The following SIPA1L2 variants were observed in gnomAD, a reference collection of about 807,000 sequenced individuals.
SIPA1L2 encodes signal induced proliferation associated 1 like 2.
Under a neutral mutation model 163.9 loss-of-function variants are expected in SIPA1L2, and 56 were observed. The observed-to-expected ratio is 0.34, with a 90% confidence interval of 0.28 to 0.43. SIPA1L2 has a LOEUF of 0.43. Ranked by LOEUF, SIPA1L2 falls within the 20% of genes least tolerant of loss-of-function variation. SIPA1L2 has a pLI of 1.00. For synonymous variants in SIPA1L2, 877 were observed against 865.7 expected (o/e 1.01, Z -0.23); for missense variants, 1,974 against 2,193.5 (o/e 0.90, Z 2.00).
chr1:232,440,096 C>T (rs1378946974), intron 14 of SIPA1L2, among the ~76,000 whole-genome samples: 2 of 152,240 alleles, frequency 1.3e-5, no homozygotes, highest in East Asian at 1.9e-4. Flanking sequence ...AGTCAAAGTG[C>T]GTCCCAAGCC....
rs1021869671 is a variant in SIPA1L2, at chr1:232,455,189, T to G, written c.3095+5698A>C. 3.3e-5 allele frequency among the ~76,000 whole-genome samples: 5 copies of G among 152,230 alleles called. No homozygotes were observed. The East Asian group carries it at 9.6e-4, about 29-fold the overall frequency. ...AGGTTACCTTTGTTCTGTATTGTTT[T>G]CACATTTCACATCAAAATTCAATAC... On this transcript the variant is annotated intron_variant, in intron 10 of 22. Coordinates refer to ENST00000674635, the MANE Select transcript of SIPA1L2 (RefSeq NM_020808.5).
intron 1 of SIPA1L2, among the ~76,000 whole-genome samples, chr1:232,593,448 G>A (rs1489306066): frequency 6.6e-6 from 1 of 152,046 alleles, no homozygotes; most frequent in Non-Finnish European, 1.5e-5. Flanking sequence ...TAATGGGGGC[G>A]CTTCATTTTA....
chr1:232,400,965 A>G (rs969818686), intron 22 of SIPA1L2, among the ~76,000 whole-genome samples: 17 of 152,198 alleles, frequency 1.1e-4, no homozygotes, highest in African/African-American at 3.4e-4. Flanking sequence ...GACTCCATCA[A>G]TCTTATCAAT....
intron 2 of SIPA1L2, among the ~76,000 whole-genome samples, chr1:232,542,137 A>C (rs1159126808): frequency 6.6e-6 from 1 of 152,240 alleles, no homozygotes; most frequent in East Asian, 1.9e-4. Context: ...CTGGACTGCT[A>C]CCATCTACTT....
intron 18 of SIPA1L2, among the ~76,000 whole-genome samples, chr1:232,418,503 C>A (rs575924786): frequency 6.6e-6 from 1 of 152,212 alleles, no homozygotes; most frequent in African/African-American, 2.4e-5. Flanking sequence ...GCCCACAGTG[C>A]GTGAGTGGGC....
chr1:232,620,162 C>A (rs1165057905), intron 1 of SIPA1L2, among the ~76,000 whole-genome samples: 1 of 152,206 alleles, frequency 6.6e-6, no homozygotes, highest in East Asian at 1.9e-4. Flanking sequence ...GGATTATGGG[C>A]ATGAGCCACC....
intron 2 of SIPA1L2, among the ~76,000 whole-genome samples, chr1:232,558,723 T>G (rs748581017): frequency 6.6e-6 from 1 of 152,200 alleles, no homozygotes; most frequent in Non-Finnish European, 1.5e-5. Context: ...TCCTGGCTGA[T>G]GCATGATCCT....
intron 1 of SIPA1L2, among the ~76,000 whole-genome samples, chr1:232,576,450 T>C (rs774225085): frequency 2.0e-5 from 3 of 152,170 alleles, no homozygotes; most frequent in Admixed American, 6.5e-5. Context: ...TCCATAAATA[T>C]TGTGTTCTGA....
intron 2 of SIPA1L2, among the ~76,000 whole-genome samples, chr1:232,524,639 A>G (rs1667608670): frequency 6.6e-6 from 1 of 152,228 alleles, no homozygotes; most frequent in African/African-American, 2.4e-5. Flanking sequence ...AGGGATAAAC[A>G]TAGTACATAT....
At chr1:232,535,445 T>C (rs748899267) in intron 2 of SIPA1L2, among the ~76,000 whole-genome samples, 4 of 152,174 alleles carry the variant, frequency 2.6e-5, no homozygotes, top group Admixed American at 6.5e-5. Context: ...AATTTTAATG[T>C]TCTTCATTGG....
intron 6 of SIPA1L2, among the ~76,000 whole-genome samples, chr1:232,482,237 T>A (rs1255939458): frequency 6.6e-6 from 1 of 152,184 alleles, no homozygotes; most frequent in Non-Finnish European, 1.5e-5. Context: ...AGGAAAATAC[T>A]TGGATTATCT....
At chr1:232,541,324 C>T (rs1486609828) in intron 2 of SIPA1L2, among the ~76,000 whole-genome samples, 4 of 149,488 alleles carry the variant, frequency 2.7e-5, no homozygotes, top group Non-Finnish European at 6.0e-5. Flanking sequence ...CTGGGCTTGC[C>T]ATTTATTAAT....
Position 232,439,177 on chromosome 1 carries a change from G to A in SIPA1L2, c.3962C>T (p.Ser1321Phe). The A allele has an allele frequency of 6.2e-7, 1 of 1,613,520 alleles. No individual in the cohort carries two copies. The highest frequency in any genetic ancestry group is 8.5e-7 in the Non-Finnish European group (1 of 1,179,932). Residue 1321 changes from serine (S) to phenylalanine (F), a missense_variant, in exon 15 of 23, where the codon TCC (serine) becomes TTC (phenylalanine). Transcript: ENST00000674635. Reference sequence around the variant, plus strand: ...CGCAGCACTGCCGGCGGAGATGGTGGACGCGTAGCCATGCACAGAATATAA... The same window carrying A: ...CGCAGCACTGCCGGCGGAGATGGTGAACGCGTAGCCATGCACAGAATATAA... The part of the protein sequence containing the change: ...AKLYSVHGYA[S>F]TISAGSAAEG...
chr1:232,513,336 C>T (rs986527061), intron 3 of SIPA1L2, among the ~76,000 whole-genome samples: 7 of 152,210 alleles, frequency 4.6e-5, no homozygotes, highest in Admixed American at 6.5e-5. Flanking sequence ...TATAGAACTA[C>T]ATGAAAACAA....
chr1:232,436,057 G>A (rs1049362436), intron 15 of SIPA1L2, among the ~76,000 whole-genome samples: 1 of 152,178 alleles, frequency 6.6e-6, no homozygotes, highest in Non-Finnish European at 1.5e-5. Flanking sequence ...ACCATATACT[G>A]ATTGGGGCTC....
At chr1:232,453,866 T>G (rs1339163300) in intron 10 of SIPA1L2, among the ~76,000 whole-genome samples, 1 of 152,132 alleles carries the variant, frequency 6.6e-6, no homozygotes, top group East Asian at 1.9e-4. Context: ...TAAAACAAAT[T>G]AAATGTTTTT....
At chr1:232,413,866 C>G (rs1263973975) in intron 19 of SIPA1L2, among the ~76,000 whole-genome samples, 1 of 152,090 alleles carries the variant, frequency 6.6e-6, no homozygotes, top group Admixed American at 6.5e-5. Flanking sequence ...AAGATCTGGT[C>G]AGAGTGAGAG....
At chr1:232,604,569 G>A (rs961862355) in intron 1 of SIPA1L2, among the ~76,000 whole-genome samples, 1 of 152,322 alleles carries the variant, frequency 6.6e-6, no homozygotes, top group Admixed American at 6.5e-5. Flanking sequence ...CCAAGGTGGT[G>A]TATCTGTTTG....
intron 1 of SIPA1L2, among the ~76,000 whole-genome samples, chr1:232,586,123 C>T (rs564765959): frequency 2.8e-4 from 43 of 152,274 alleles, no homozygotes; most frequent in African/African-American, 1.0e-3. Flanking sequence ...TCGGTTTCTC[C>T]TTGAGACCCT....
Sources: gnomAD v4.1 joint callset for allele counts (sites outside exome capture counted in the v4.1 genomes callset) on GRCh38, gnomAD v4.1.1 for gene constraint, MANE v1.5 for transcripts, NCBI Gene and HGNC (gene_info 2026-07-23, HGNC 2026-07-21) for gene names.